CSMD1: variants seen among roughly 807,000 people sequenced by gnomAD.
CSMD1 encodes the protein CUB and Sushi multiple domains 1.
Under a neutral mutation model 417.5 loss-of-function variants are expected in CSMD1, and 213 were observed. That is an observed-to-expected ratio of 0.51 (90% confidence interval 0.46 to 0.57). CSMD1 has a LOEUF of 0.57. Ranked by LOEUF, CSMD1 falls within the 20% of genes least tolerant of loss-of-function variation. The pLI is 0.00. For missense variants in CSMD1, 6,923 were observed against 4,529.7 expected (o/e 1.53, Z -15.17); for synonymous variants, 2,862 against 1,736.8 (o/e 1.65, Z -16.11).
chr8:3,434,375 C>T (rs759933085), intron 12 of CSMD1, among the ~76,000 whole-genome samples: 3 of 152,084 alleles, frequency 2.0e-5, no homozygotes, highest in Non-Finnish European at 4.4e-5. Context: ...TATGACTTTT[C>T]CATTTAATTT....
intron 4 of CSMD1, among the ~76,000 whole-genome samples, chr8:4,028,713 C>T (rs2688361): frequency 0.31 from 46,729 of 151,930 alleles, 7,243 homozygotes; most frequent in Middle Eastern, 0.36. Flanking sequence ...TATTTCTTTA[C>T]CTTTTAAATG....
intron 2 of CSMD1, among the ~76,000 whole-genome samples, chr8:4,440,097 G>A (rs1163931201): frequency 6.6e-6 from 1 of 152,078 alleles, no homozygotes; most frequent in African/African-American, 2.4e-5. Context: ...TTAGGATATT[G>A]GAAAAGAGGA....
At chr8:3,853,692 G>A (rs1258028311) in intron 5 of CSMD1, among the ~76,000 whole-genome samples, 1 of 151,752 alleles carries the variant, frequency 6.6e-6, no homozygotes, top group Non-Finnish European at 1.5e-5. Flanking sequence ...GTGTGCAGTT[G>A]GATAAGCCTC....
intron 23 of CSMD1, among the ~76,000 whole-genome samples, chr8:3,320,889 G>A (rs1482087352): frequency 6.6e-6 from 1 of 152,182 alleles, no homozygotes; most frequent in Non-Finnish European, 1.5e-5. Flanking sequence ...CCCCTGACAT[G>A]CATATTCTGC....
intron 3 of CSMD1, among the ~76,000 whole-genome samples, chr8:4,154,035 C>T (rs944008563): frequency 6.6e-6 from 1 of 152,164 alleles, no homozygotes; most frequent in Non-Finnish European, 1.5e-5. Context: ...TTTCAGCTTG[C>T]TGCCACATTT....
intron 3 of CSMD1, among the ~76,000 whole-genome samples, chr8:4,325,919 T>C (rs900210258): frequency 6.6e-6 from 1 of 152,306 alleles, no homozygotes; most frequent in East Asian, 1.9e-4. Context: ...CAGATTTACA[T>C]GCTGGCTGGG....
intron 12 of CSMD1, among the ~76,000 whole-genome samples, chr8:3,460,045 G>A (rs1816398625): frequency 6.6e-6 from 1 of 152,188 alleles, no homozygotes; most frequent in African/African-American, 2.4e-5. Flanking sequence ...CAGGTGTGGG[G>A]CATAAAGAGG....
intron 6 of CSMD1, among the ~76,000 whole-genome samples, chr8:3,752,100 C>T (rs1797371744): frequency 6.6e-6 from 1 of 152,140 alleles, no homozygotes; most frequent in Admixed American, 6.5e-5. Flanking sequence ...ACCCACCTCC[C>T]ACCGCCAACA....
chr8:4,374,524 G>C (rs544502023), intron 3 of CSMD1, among the ~76,000 whole-genome samples: 4 of 152,188 alleles, frequency 2.6e-5, no homozygotes, highest in East Asian at 3.9e-4. Context: ...CAGATCTAGA[G>C]AGAAGAGGCT....
chr8:3,968,252 C>G (rs1812826226), intron 5 of CSMD1, among the ~76,000 whole-genome samples: 1 of 151,930 alleles, frequency 6.6e-6, no homozygotes, highest in African/African-American at 2.4e-5. Context: ...TCTCAATGTA[C>G]TTTGTTTTCC....
intron 1 of CSMD1, among the ~76,000 whole-genome samples, chr8:4,702,370 T>C (rs1237202020): frequency 1.3e-5 from 2 of 152,220 alleles, no homozygotes; most frequent in African/African-American, 4.8e-5. Flanking sequence ...CTCTCCGAAG[T>C]AGCAATTCCA....
chr8:3,640,039 G>T (rs1360777693), intron 7 of CSMD1, among the ~76,000 whole-genome samples: 1 of 152,182 alleles, frequency 6.6e-6, no homozygotes, highest in African/African-American at 2.4e-5. Flanking sequence ...ATGAATTAAT[G>T]CATGCATTAA....
rs566396977 is a variant in CSMD1 at position 3,822,755 on chromosome 8, C to G, written c.819-68713G>C. 1.6e-4 allele frequency among the ~76,000 whole-genome samples: 24 copies of G among 152,212 alleles called. No homozygotes were observed. In the South Asian group the frequency reaches 5.0e-3, roughly 32 times the overall value. ...TTTGTTTGGCACCAAAGTGGAAATA[C>G]AGGTTTGTTGAGAATAAAGAGAGGA... On this transcript the variant is annotated intron_variant, in intron 5 of 69. Coordinates refer to ENST00000635120, the MANE Select transcript of CSMD1 (RefSeq NM_033225.6).
intron 3 of CSMD1, among the ~76,000 whole-genome samples, chr8:4,056,435 C>T (rs1385202954): frequency 6.7e-6 from 1 of 150,364 alleles, no homozygotes; most frequent in Non-Finnish European, 1.5e-5. Flanking sequence ...GCCAAACTAA[C>T]ATTAAAATTT....
intron 3 of CSMD1, among the ~76,000 whole-genome samples, chr8:4,407,046 A>G (rs1017625599): frequency 6.6e-6 from 1 of 152,308 alleles, no homozygotes; most frequent in South Asian, 2.1e-4. Context: ...ATAAAGATTT[A>G]TTGAAACACG....
In CSMD1 at chr8:3,986,711, A is replaced by C. The variant is rs139128981; in HGVS notation, c.818+11192T>G. Among the ~76,000 whole-genome samples the C allele has an allele frequency of 3.8e-4, 58 of 152,252 alleles. No homozygotes were observed. The East Asian group carries it at 9.7e-3, about 25-fold the overall frequency. On this transcript the variant is annotated intron_variant, in intron 5 of 69. Transcript: ENST00000635120. ...ACAAGCATTTTACCATGGAAAATTT[A>C]TCATGTTTCAGTTTTGCTCAAAGGC...
At chr8:4,184,129 C>A (rs1035019864) in intron 3 of CSMD1, among the ~76,000 whole-genome samples, 1 of 152,086 alleles carries the variant, frequency 6.6e-6, no homozygotes, top group Non-Finnish European at 1.5e-5. Context: ...TCTAAAACTT[C>A]ATTAAAATAT....
intron 11 of CSMD1, among the ~76,000 whole-genome samples, chr8:3,477,161 C>T (rs1817481298): frequency 6.6e-6 from 1 of 152,136 alleles, no homozygotes; most frequent in Non-Finnish European, 1.5e-5. Context: ...CTGCATGTGT[C>T]ACGAAGCTGT....
At chr8:3,097,393 T>C (rs7826147) in intron 46 of CSMD1, among the ~76,000 whole-genome samples, 146,779 of 152,266 alleles carry the variant, frequency 0.96, 70,776 homozygotes, top group African/African-American at 0.98. Flanking sequence ...ATTACAGAAA[T>C]ACAGTGAAAT....
Sources: allele counts gnomAD v4.1 joint callset (sites outside exome capture counted in the v4.1 genomes callset), GRCh38; gene constraint gnomAD v4.1.1; transcripts MANE v1.5; gene names NCBI Gene and HGNC (gene_info 2026-07-23, HGNC 2026-07-21).